The following PCSK2 variants were observed in gnomAD, a reference collection of about 807,000 sequenced individuals.
PCSK2 encodes the protein neuroendocrine convertase 2.
PCSK2 carries 14 observed loss-of-function variants against 69.7 expected under a neutral mutation model. The observed-to-expected ratio is 0.20, with a 90% CI of 0.13 to 0.31. The LOEUF (loss-of-function observed/expected upper bound fraction) is 0.31. PCSK2 is among the 10% of genes least tolerant of loss of function. PCSK2 has a pLI of 1.00. For missense variants in PCSK2, 544 were observed against 842.5 expected (o/e 0.65, Z 4.39); for synonymous variants, 307 against 320.7 (o/e 0.96, Z 0.46).
chr20:17,466,095 T>A (rs1457189713), intron 11 of PCSK2, among the ~76,000 whole-genome samples: 1 of 152,228 alleles, frequency 6.6e-6, no homozygotes, highest in Admixed American at 6.5e-5. Flanking sequence ...TTCAGTGATG[T>A]ATGCCATTAT....
At chr20:17,427,852 G>A (rs944550892) in intron 6 of PCSK2, among the ~76,000 whole-genome samples, 27 of 152,112 alleles carry the variant, frequency 1.8e-4, no homozygotes, top group Non-Finnish European at 2.8e-4. Flanking sequence ...AGGCTAGCCC[G>A]GGCTTACTCA....
chr20:17,250,208 G>A (rs546882363), intron 1 of PCSK2, among the ~76,000 whole-genome samples: 5 of 152,150 alleles, frequency 3.3e-5, no homozygotes, highest in South Asian at 2.1e-4. Context: ...TCTGATCCAC[G>A]ATTCAATCCA....
At chr20:17,354,900 GAA>G (rs11479314) in intron 2 of PCSK2, among the ~76,000 whole-genome samples, 23 of 149,098 alleles carry the variant, frequency 1.5e-4, no homozygotes, top group African/African-American at 5.7e-4. Context: ...TCATTGTGGG[GAA>G]AAAAAAAAGT....
intron 5 of PCSK2, among the ~76,000 whole-genome samples, chr20:17,386,477 G>T (rs995670227): frequency 4.6e-5 from 7 of 152,124 alleles, no homozygotes; most frequent in Admixed American, 1.3e-4. Flanking sequence ...AGGAAATTCT[G>T]TTACTTGCAG....
In PCSK2 at chr20:17,461,043, T is replaced by C. The variant is rs182503841; in HGVS notation, c.1203-4283T>C. ...GTTCCACTGGGCTCTCGGTGGAACATAGAAAAGGCCCTGCCACTGTCTTGC... is the reference window on the plus strand; with the variant it reads ...GTTCCACTGGGCTCTCGGTGGAACACAGAAAAGGCCCTGCCACTGTCTTGC... On this transcript the variant is annotated intron_variant, in intron 10 of 11. Transcript: ENST00000262545. 2.0e-3 allele frequency among the ~76,000 whole-genome samples: 297 copies of C among 151,852 alleles called. 2 individuals are homozygous for C. The South Asian group carries it at 0.024, about 12-fold the overall frequency.
intron 2 of PCSK2, among the ~76,000 whole-genome samples, chr20:17,334,196 A>G (rs1990286261): frequency 6.6e-6 from 1 of 151,948 alleles, no homozygotes; most frequent in Non-Finnish European, 1.5e-5. Context: ...AGGTCTTTAT[A>G]TAGAAAACAG....
chr20:17,263,010 TG>T, intron 2 of PCSK2: 1 of 215,502 alleles, frequency 4.6e-6, no homozygotes, highest in Non-Finnish European at 7.9e-6. Flanking sequence ...TACAGGCTTG[TG>T]GTAAGGAACA....
intron 5 of PCSK2, among the ~76,000 whole-genome samples, chr20:17,372,878 T>G (rs1279729113): frequency 6.6e-6 from 1 of 152,190 alleles, no homozygotes; most frequent in African/African-American, 2.4e-5. Context: ...CTAATCTTCT[T>G]TATTTTTAAT....
intron 2 of PCSK2, among the ~76,000 whole-genome samples, chr20:17,319,412 C>T (rs1015692620): frequency 2.0e-5 from 3 of 152,122 alleles, no homozygotes; most frequent in African/African-American, 7.2e-5. Context: ...CTTGAACGGC[C>T]TCACTCACAT....
At chr20:17,318,056 A>G (rs1989743605) in intron 2 of PCSK2, among the ~76,000 whole-genome samples, 2 of 152,228 alleles carry the variant, frequency 1.3e-5, no homozygotes, top group South Asian at 4.1e-4. Context: ...TCCAGCATTC[A>G]TCCTGGGCTT....
At chr20:17,440,136 C>T (rs936162973) in intron 8 of PCSK2, among the ~76,000 whole-genome samples, 1 of 152,224 alleles carries the variant, frequency 6.6e-6, no homozygotes, top group African/African-American at 2.4e-5. Flanking sequence ...GGCTGGGGAA[C>T]TTCAGACTAG....
chr20:17,382,669 A>G (rs922544362), intron 5 of PCSK2, among the ~76,000 whole-genome samples: 1 of 152,000 alleles, frequency 6.6e-6, no homozygotes, highest in African/African-American at 2.4e-5. Context: ...GGACCCCACA[A>G]AAGTTTCCTG....
chr20:17,346,892 C>T (rs991996411), intron 2 of PCSK2, among the ~76,000 whole-genome samples: 10 of 152,282 alleles, frequency 6.6e-5, no homozygotes, highest in African/African-American at 2.2e-4. Context: ...TCGGGGTTCT[C>T]GTTGGCTGCC....
intron 7 of PCSK2, among the ~76,000 whole-genome samples, chr20:17,435,622 G>A (rs2123349123): frequency 6.6e-6 from 1 of 152,248 alleles, no homozygotes; most frequent in South Asian, 2.1e-4. Context: ...CCGGGGACAA[G>A]GAAGGAGTTT....
At chr20:17,379,364 T>C (rs190310525) in intron 5 of PCSK2, among the ~76,000 whole-genome samples, 1 of 152,298 alleles carries the variant, frequency 6.6e-6, no homozygotes, top group East Asian at 1.9e-4. Context: ...AGACCAAACG[T>C]CTGATCCATC....
chr20:17,278,400 A>T (rs568492530), intron 2 of PCSK2, among the ~76,000 whole-genome samples: 15 of 152,250 alleles, frequency 9.9e-5, no homozygotes, highest in Admixed American at 1.3e-4. Flanking sequence ...ATAAAAAATG[A>T]TGAGTTCATG....
chr20:17,256,797 G>T (rs912774926), intron 1 of PCSK2, among the ~76,000 whole-genome samples: 1 of 152,016 alleles, frequency 6.6e-6, no homozygotes, highest in Non-Finnish European at 1.5e-5. Flanking sequence ...ACAGGCCCCA[G>T]TGTGTGATGT....
chr20:17,369,296 T>C lies in PCSK2; in HGVS notation c.543+19T>C. 1 of 1,609,588 alleles carries C rather than the reference T, an allele frequency of 6.2e-7. No homozygotes were observed. ...CAACTATGTAAGTACAAGCCAACTT[T>C]GGTGGGGAAACAGATGCATCTTAAA... is the stretch of plus-strand genomic sequence containing the variant. On this transcript the variant is annotated intron_variant, in intron 5 of 11. Coordinates refer to ENST00000262545, the MANE Select transcript of PCSK2 (RefSeq NM_002594.5).
intron 7 of PCSK2, among the ~76,000 whole-genome samples, chr20:17,435,981 C>G (rs776509443): frequency 1.3e-5 from 2 of 152,168 alleles, no homozygotes; most frequent in Non-Finnish European, 1.5e-5. Context: ...GATTGTGTGT[C>G]CCACACTATC....
Sources: allele counts gnomAD v4.1 joint callset (sites outside exome capture counted in the v4.1 genomes callset), GRCh38; gene constraint gnomAD v4.1.1; transcripts MANE v1.5; gene names NCBI Gene and HGNC (gene_info 2026-07-23, HGNC 2026-07-21).